ZNF540: variants seen among roughly 807,000 people sequenced by gnomAD.
The protein encoded by ZNF540 is CTD-3064H18.6.
In ZNF540, 3 loss-of-function variants were observed where a neutral mutation model predicts 11.8. That is an observed-to-expected ratio of 0.25 (90% CI 0.12 to 0.65). ZNF540 has a LOEUF of 0.65. Ranked by LOEUF, ZNF540 falls within the 30% of genes least tolerant of loss-of-function variation. ZNF540 has a pLI of 0.83. For synonymous variants in ZNF540, 247 were observed against 259.0 expected (o/e 0.95, Z 0.45); for missense variants, 709 against 793.1 (o/e 0.89, Z 1.27).
rs74174473 is a variant in ZNF540, at chr19:37,563,757, TTCCACATAC to T, written c.-73+12093_-73+12101del. The T allele has an allele frequency of 2.9e-4, 12 of 40,720 alleles. No homozygotes were observed. In the South Asian group the frequency reaches 4.0e-3, roughly 14 times the overall value. 2.5% of individuals were successfully genotyped at this position (40,720 alleles called of 1,614,324 possible). On this transcript the variant is annotated intron_variant, in intron 1 of 4. Transcript: ENST00000592533. ...GGAATATATACACATGTGGAATATA[TTCCACATAC>T]ACACATGTGGAATATATGTATATAT...
rs201347398 is a variant in ZNF540 at position 37,564,807 on chromosome 19, G to A, written c.-73+13142G>A. 7.6e-5 allele frequency: 122 copies of A among 1,613,702 alleles called. No homozygotes were observed. Among genetic ancestry groups the A allele is most frequent in the Admixed American group, 6.5e-4 (39 of 59,988 alleles). On this transcript the variant is annotated intron_variant, in intron 1 of 4. Coordinates refer to the ZNF540 transcript ENST00000592533. ...AGATGTTCAGTAAGGTGTGAGCCACGAATAAAAGCCTTCCCACACTGTTTA... is the reference window on the plus strand; with the variant it reads ...AGATGTTCAGTAAGGTGTGAGCCACAAATAAAAGCCTTCCCACACTGTTTA...
chr19:37,589,089 A>G (rs2043783104), intron 1 of ZNF540, among the ~76,000 whole-genome samples: 1 of 151,560 alleles, frequency 6.6e-6, no homozygotes, highest in South Asian at 2.1e-4. Context: ...GATCCCAGCT[A>G]CTTGGGAGGC....
At chr19:37,570,548 C>A (rs1049604344) in intron 1 of ZNF540, among the ~76,000 whole-genome samples, 1 of 152,144 alleles carries the variant, frequency 6.6e-6, no homozygotes, top group African/African-American at 2.4e-5. Context: ...CATCATAGAA[C>A]TAATTGTATT....
At chr19:37,589,613 TCCTTGAAGATACA>T (rs2043803973) in intron 1 of ZNF540, among the ~76,000 whole-genome samples, 1 of 152,036 alleles carries the variant, frequency 6.6e-6, no homozygotes. Flanking sequence ...TGGACTAAGT[TCCTTGAAGATACA>T]CCTATCAGAT....
At chr19:37,596,863 C>T (rs1383860915) in intron 1 of ZNF540, among the ~76,000 whole-genome samples, 4 of 152,098 alleles carry the variant, frequency 2.6e-5, no homozygotes, top group Non-Finnish European at 5.9e-5. Flanking sequence ...GCCACTTTAA[C>T]GTATATTATC....
At chr19:37,589,644 T>C (rs1295862150) in intron 1 of ZNF540, among the ~76,000 whole-genome samples, 1 of 151,828 alleles carries the variant, frequency 6.6e-6, no homozygotes, top group East Asian at 1.9e-4. Flanking sequence ...GATCTGGACA[T>C]AATACAAAAA....
intron 1 of ZNF540, among the ~76,000 whole-genome samples, chr19:37,558,814 C>CTATA (rs34909186): frequency 1.5e-4 from 22 of 149,984 alleles, no homozygotes; most frequent in African/African-American, 5.4e-4. Flanking sequence ...CACAACTTCA[C>CTATA]TATATATATA....
At chr19:37,552,231 G>A (rs561587181) in intron 1 of ZNF540, among the ~76,000 whole-genome samples, 5 of 152,114 alleles carry the variant, frequency 3.3e-5, no homozygotes, top group Admixed American at 1.3e-4. Context: ...TTCTACTGTG[G>A]TTAGAAAACA....
At chr19:37,565,332 T>C (rs1266794503) in intron 1 of ZNF540, 1 of 1,612,840 alleles carries the variant, frequency 6.2e-7, no homozygotes, top group South Asian at 1.1e-5. Flanking sequence ...CCGCATTCTT[T>C]ACATTCATAG....
At chr19:37,554,289 G>C (rs1039832607) in intron 1 of ZNF540, among the ~76,000 whole-genome samples, 2 of 152,186 alleles carry the variant, frequency 1.3e-5, no homozygotes, top group Admixed American at 1.3e-4. Context: ...ACGGCCTCCA[G>C]CTGTGCCCAT....
chr19:37,571,781 A>G (rs978004674), intron 1 of ZNF540, among the ~76,000 whole-genome samples: 12 of 152,182 alleles, frequency 7.9e-5, no homozygotes, highest in Non-Finnish European at 1.2e-4. Flanking sequence ...CAGAAACATG[A>G]TAAGTATGGG....
chr19:37,607,528 G>T (rs749365720), intron 4 of ZNF540, among the ~76,000 whole-genome samples: 1 of 152,026 alleles, frequency 6.6e-6, no homozygotes, highest in African/African-American at 2.4e-5. Flanking sequence ...TGTCTCCATC[G>T]TTTTGCCTTT....
chr19:37,602,605 A>C (rs2044048021), intron 4 of ZNF540, among the ~76,000 whole-genome samples: 1 of 152,206 alleles, frequency 6.6e-6, no homozygotes. Flanking sequence ...CATAGAATGA[A>C]GGGAGCCAGA....
chr19:37,566,325 T>A, intron 1 of ZNF540: 1 of 1,557,644 alleles, frequency 6.4e-7, no homozygotes, highest in South Asian at 1.2e-5. Flanking sequence ...TTCCTGCTTT[T>A]GTTTACAAGG....
upstream of ZNF540, among the ~76,000 whole-genome samples, chr19:37,592,579 G>C (rs1182291227): frequency 6.6e-6 from 1 of 152,170 alleles, no homozygotes; most frequent in African/African-American, 2.4e-5. Context: ...TGAAAAAAAG[G>C]AAAGGATTAA....
chr19:37,588,758 G>T (rs934140673), intron 1 of ZNF540, among the ~76,000 whole-genome samples: 5 of 152,142 alleles, frequency 3.3e-5, no homozygotes, highest in Admixed American at 1.3e-4. Context: ...TGAATAGAAA[G>T]AAAAGATTAA....
chr19:37,586,562 G>A (rs922485290), intron 1 of ZNF540: 2 of 1,325,160 alleles, frequency 1.5e-6, no homozygotes, highest in Non-Finnish European at 2.1e-6. Flanking sequence ...TTTGGAAGCA[G>A]TTCCCTTAAG....
intron 1 of ZNF540, among the ~76,000 whole-genome samples, chr19:37,570,704 T>C (rs896888441): frequency 2.0e-5 from 3 of 152,322 alleles, no homozygotes; most frequent in African/African-American, 7.2e-5. Flanking sequence ...AATTAATCTA[T>C]ATCTAAAACA....
chr19:37,572,710 A>T (rs545534684), intron 1 of ZNF540, among the ~76,000 whole-genome samples: 1 of 152,328 alleles, frequency 6.6e-6, no homozygotes, highest in African/African-American at 2.4e-5. Flanking sequence ...AAAGGTTAGA[A>T]GTAATCTGTT....
Sources: gnomAD v4.1 joint callset for allele counts (sites outside exome capture counted in the v4.1 genomes callset) on GRCh38, gnomAD v4.1.1 for gene constraint, MANE v1.5 for transcripts, NCBI Gene and HGNC (gene_info 2026-07-23, HGNC 2026-07-21) for gene names.